F8: variants seen among roughly 807,000 people sequenced by gnomAD.
F8 encodes the protein coagulation factor VIII.
In F8, 12 loss-of-function variants were observed where a neutral mutation model predicts 140.6. The observed-to-expected ratio is 0.09, with a 90% CI of 0.05 to 0.14. The LOEUF (loss-of-function observed/expected upper bound fraction) is 0.14. Ranked by LOEUF, F8 falls within the 10% of genes least tolerant of loss-of-function variation. The pLI is 1.00. For synonymous variants in F8, 585 were observed against 614.6 expected (o/e 0.95, Z 0.71); for missense variants, 1,354 against 1,720.7 (o/e 0.79, Z 3.77).
At chrX:155,014,480 G>A (rs1557286886) in intron 1 of F8, among the ~76,000 whole-genome samples, 1 of 111,853 alleles carries the variant, frequency 8.9e-6, no homozygotes, top group Non-Finnish European at 1.9e-5. Flanking sequence ...TGGAAAGGAA[G>A]AAGCAAACTG....
At chrX:154,853,510 G>A (rs995740990) in intron 25 of F8, among the ~76,000 whole-genome samples, 1 of 111,794 alleles carries the variant, frequency 8.9e-6, no homozygotes, top group Non-Finnish European at 1.9e-5. Flanking sequence ...ATCTATGTCT[G>A]TGATCTTATA....
intron 14 of F8, among the ~76,000 whole-genome samples, chrX:154,906,937 T>C (rs1557276396): frequency 8.9e-6 from 1 of 112,271 alleles, no homozygotes; most frequent in African/African-American, 3.2e-5. Context: ...CCTATTAAAA[T>C]TGTGAACTAA....
chrX:154,895,940 T>C, intron 22 of F8, 137 bp downstream of exon 22: 1 of 625,881 alleles, frequency 1.6e-6, no homozygotes, highest in Non-Finnish European at 2.6e-6. Context: ...ATGTCCGTAA[T>C]AACTCTATTG....
At chrX:154,842,226 T>A (rs1356611782) in intron 25 of F8, among the ~76,000 whole-genome samples, 2 of 111,973 alleles carry the variant, frequency 1.8e-5, no homozygotes, top group African/African-American at 6.5e-5. Context: ...GTTTCTGATA[T>A]TATTTGTGCC....
chrX:154,993,051 C>G lies in F8; in HGVS notation c.486G>C (p.Glu162Asp), dbSNP rs1557284802. The change falls in exon 4 of 26, where the codon GAG (glutamate) becomes GAC (aspartate). Residue 162 changes from glutamate (E) to aspartate (D), a missense_variant. By Grantham distance (45) the Glu-to-Asp change is conservative. This residue lies in a region of F8 where 128 missense variants were observed against 230.4 expected (regional missense o/e 0.56). Coordinates refer to ENST00000360256, the MANE Select transcript of F8 (RefSeq NM_000132.4). ...GTGGGTCAGAGGCCATTGGACCATT[C>G]TCTTTCAGGACCTGCCAGACATATG... ...SHTYVWQVLKENGPMASDPLC... is the reference protein window; with the variant it reads ...SHTYVWQVLKDNGPMASDPLC... 1 of 1,210,153 alleles carries G rather than the reference C, an allele frequency of 8.3e-7. No homozygotes were observed. The highest frequency in any genetic ancestry group is 1.1e-6 in the Non-Finnish European group (1 of 895,065).
Position 154,966,520 on chromosome X carries a change from C to A in F8, c.1177G>T (p.Val393Phe). ...NSPSFIQIRS[V>F]AKKHPKTWVH... ...CAAGTTTTAGGATGCTTCTTGGCAACTGAGCGAATTTGGATAAAGGAAGGA... is the reference window on the plus strand; with the variant it reads ...CAAGTTTTAGGATGCTTCTTGGCAAATGAGCGAATTTGGATAAAGGAAGGA... Residue 393 changes from valine (V) to phenylalanine (F), a missense_variant, in exon 8 of 26, where the codon GTT (valine) becomes TTT (phenylalanine). Physicochemically the swap from Val to Phe is conservative, Grantham distance 50. This residue lies in a region of F8 where 252 missense variants were observed against 338.5 expected (regional missense o/e 0.74). Transcript: ENST00000360256. 8.3e-7 allele frequency: 1 copy of A among 1,211,639 alleles called. No homozygotes were observed. Among genetic ancestry groups the A allele is most frequent in the Non-Finnish European group, 1.1e-6 (1 of 895,416 alleles).
At chrX:154,895,012 T>C (rs1474611925) in intron 22 of F8, among the ~76,000 whole-genome samples, 2 of 111,826 alleles carry the variant, frequency 1.8e-5, no homozygotes, top group African/African-American at 6.5e-5. Context: ...GTTATTGTTA[T>C]GACAGCAAGT....
chrX:154,888,378 G>A (rs2072913427), intron 22 of F8, among the ~76,000 whole-genome samples: 1 of 27,974 alleles, frequency 3.6e-5, no homozygotes, highest in Non-Finnish European at 5.5e-5. Flanking sequence ...TTTGTAATAG[G>A]GATTTTTTTT....
rs2073659930 is a variant in F8, at chrX:155,003,642, C to T, written c.144-4042G>A. ...GACACCAGACACCATACCACAGATT[C>T]AGGAAGCTCAGAGAATACCAAAGAA... On this transcript the variant is annotated intron_variant, in intron 1 of 25. Transcript: ENST00000360256. Among the ~76,000 whole-genome samples, 3 of 111,561 alleles carry T rather than the reference C, an allele frequency of 2.7e-5. No individual in the cohort carries two copies. The South Asian group carries it at 1.1e-3, about 41-fold the overall frequency.
intron 13 of F8, among the ~76,000 whole-genome samples, chrX:154,935,052 C>T (rs1272380137): frequency 9.1e-6 from 1 of 110,157 alleles, no homozygotes; most frequent in Non-Finnish European, 1.9e-5. Flanking sequence ...AGTCCCACTA[C>T]TTGGGAGGCT....
intron 13 of F8, among the ~76,000 whole-genome samples, chrX:154,939,652 G>C (rs782445347): frequency 7.1e-5 from 8 of 112,590 alleles, no homozygotes; most frequent in Admixed American, 3.7e-4. Flanking sequence ...CTGTCTGACA[G>C]CTTTGAAGAG....
At chrX:155,005,492 G>C (rs782132158) in intron 1 of F8, among the ~76,000 whole-genome samples, 1 of 110,992 alleles carries the variant, frequency 9.0e-6, no homozygotes, top group East Asian at 2.8e-4. Context: ...GGAAGATGAT[G>C]AGTACCAGTT....
intron 14 of F8, among the ~76,000 whole-genome samples, chrX:154,926,908 G>A (rs1372668594): frequency 9.0e-6 from 1 of 111,625 alleles, no homozygotes; most frequent in Non-Finnish European, 1.9e-5. Context: ...AGTATAAATA[G>A]AATAAAGAAG....
chrX:154,939,563 T>G (rs2073245657), intron 13 of F8, among the ~76,000 whole-genome samples: 1 of 112,935 alleles, frequency 8.9e-6, no homozygotes, highest in African/African-American at 3.2e-5. Flanking sequence ...GAGGCCTGCC[T>G]GCCTCTGTAG....
At chrX:155,016,188 C>A (rs782180606) in intron 1 of F8, among the ~76,000 whole-genome samples, 2 of 109,004 alleles carry the variant, frequency 1.8e-5, no homozygotes, top group Non-Finnish European at 3.8e-5. Flanking sequence ...GCTGAGATTG[C>A]GCCACTGCAC....
intron 25 of F8, among the ~76,000 whole-genome samples, chrX:154,859,415 GTCTCAGCC>G (rs1252377886): frequency 6.6e-5 from 7 of 106,276 alleles, no homozygotes; most frequent in Non-Finnish European, 1.2e-4. Context: ...CCATTCTCCT[GTCTCAGCC>G]TCCCGAGTAG....
chrX:154,994,163 T>G (rs2073604489), intron 3 of F8, among the ~76,000 whole-genome samples: 1 of 112,681 alleles, frequency 8.9e-6, no homozygotes, highest in Admixed American at 9.4e-5. Context: ...ATAAAGAATT[T>G]AATATTTTTG....
chrX:154,955,844 GCATTGT>G (rs1273731755), intron 11 of F8, among the ~76,000 whole-genome samples: 1 of 111,899 alleles, frequency 8.9e-6, no homozygotes, highest in Admixed American at 9.4e-5. Flanking sequence ...TGCTGTGCAT[GCATTGT>G]CATTGATAAA....
chrX:154,999,422 G>A, intron 2 of F8, 57 bp downstream of exon 2: 1 of 1,150,107 alleles, frequency 8.7e-7, no homozygotes, highest in Non-Finnish European at 1.2e-6. Flanking sequence ...TGGGGAATCT[G>A]TGATAGAAAA....
Sources: allele counts gnomAD v4.1 joint callset (sites outside exome capture counted in the v4.1 genomes callset), GRCh38; gene constraint gnomAD v4.1.1; regional missense constraint gnomAD v4.1.1; transcripts MANE v1.5; gene names NCBI Gene and HGNC (gene_info 2026-07-23, HGNC 2026-07-21).